Variants in PSPC1 observed in about 807,000 individuals in gnomAD.
The protein encoded by PSPC1 is paraspeckle protein 1.
A neutral mutation model predicts 51.6 loss-of-function variants in PSPC1; 14 were observed. The observed-to-expected ratio is 0.27, with a 90% CI of 0.18 to 0.42. PSPC1 has a LOEUF of 0.42. PSPC1 is among the 10% of genes least tolerant of loss of function. The pLI, the probability that PSPC1 is intolerant of heterozygous loss-of-function variation, is 1.00. For synonymous variants in PSPC1, 193 were observed against 231.9 expected, an observed-to-expected ratio of 0.83 and a Z score of 1.53; for missense variants, 406 against 701.1, an observed-to-expected ratio of 0.58 and a Z score of 4.75.
intron 4 of PSPC1, among the ~76,000 whole-genome samples, chr13:19,748,023 G>C (rs1886166666): frequency 1.3e-5 from 2 of 152,180 alleles, no homozygotes. Context: ...AAACCAGCTT[G>C]ACCAACATGA....
chr13:19,688,152 C>G (rs1330983521), intron 6 of PSPC1, among the ~76,000 whole-genome samples: 1 of 152,130 alleles, frequency 6.6e-6, no homozygotes, highest in African/African-American at 2.4e-5. Context: ...CAAGAGCATT[C>G]TATGAAAATC....
At chr13:19,735,051 C>A (rs1433353888) in intron 5 of PSPC1, among the ~76,000 whole-genome samples, 1 of 151,256 alleles carries the variant, frequency 6.6e-6, no homozygotes, top group Non-Finnish European at 1.5e-5. Flanking sequence ...GTGGCTCATG[C>A]TTGTAATCCC....
chr13:19,704,732 A>G (rs1691053738), intron 8 of PSPC1, among the ~76,000 whole-genome samples: 1 of 152,168 alleles, frequency 6.6e-6, no homozygotes, highest in Non-Finnish European at 1.5e-5. Context: ...AATATATTTA[A>G]ATATAATAAA....
intron 6 of PSPC1, among the ~76,000 whole-genome samples, chr13:19,696,501 A>G (rs982463950): frequency 3.6e-5 from 4 of 110,058 alleles, no homozygotes; most frequent in African/African-American, 7.1e-5. Context: ...ACACACACGC[A>G]CACACACACA....
intron 1 of PSPC1, among the ~76,000 whole-genome samples, chr13:19,780,837 G>C (rs558363574): frequency 6.6e-6 from 1 of 152,034 alleles, no homozygotes; most frequent in Non-Finnish European, 1.5e-5. Flanking sequence ...ATTTTGTATC[G>C]TCCAGACAGA....
chr13:19,674,659 C>G (rs943592581), downstream of PSPC1: 1 of 152,226 alleles, frequency 6.6e-6, no homozygotes, highest in Non-Finnish European at 1.5e-5. Flanking sequence ...AGAATGAAAA[C>G]AGTGGAGCTC....
At chr13:19,677,944 T>C (rs1876852471) in intron 6 of PSPC1, 25 of 407,450 alleles carry the variant, frequency 6.1e-5, no homozygotes, top group South Asian at 4.4e-4. Context: ...CGATACCATG[T>C]AGTGCTGCGT....
intron 2 of PSPC1, among the ~76,000 whole-genome samples, chr13:19,763,120 CAACTT>C (rs1457387391): frequency 3.3e-5 from 5 of 151,528 alleles, no homozygotes; most frequent in Non-Finnish European, 5.9e-5. Flanking sequence ...AAAAAAAACT[CAACTT>C]AAATTCTGTT....
intron 6 of PSPC1, among the ~76,000 whole-genome samples, chr13:19,691,790 T>C (rs184016411): frequency 1.9e-3 from 296 of 152,126 alleles, no homozygotes; most frequent in African/African-American, 6.8e-3. Context: ...TGGTGGCAGG[T>C]GCCTGTAGTT....
intron 5 of PSPC1, among the ~76,000 whole-genome samples, chr13:19,732,915 A>T (rs1455529449): frequency 1.4e-5 from 2 of 144,740 alleles, no homozygotes; most frequent in Non-Finnish European, 3.0e-5. Flanking sequence ...CAATACAGCG[A>T]GACTCCATCT....
chr13:19,756,065 C>T (rs577841676), intron 3 of PSPC1, among the ~76,000 whole-genome samples: 14 of 152,066 alleles, frequency 9.2e-5, no homozygotes, highest in Middle Eastern at 3.4e-3. Flanking sequence ...GGTAAAACCC[C>T]GTCTCTACTA....
At chr13:19,671,384 G>T (rs113584211), downstream of PSPC1, 5 of 1,129,234 alleles carry the variant, frequency 4.4e-6, no homozygotes, top group African/African-American at 4.6e-5. Context: ...GAATCCTGGT[G>T]TACCTGTCCT....
Position 19,741,580 on chromosome 13 carries a change from T to C in PSPC1, c.1037A>G (p.Lys346Arg). Residue 346 changes from lysine (K) to arginine (R), a missense_variant, in exon 5 of 9, where the codon AAG (lysine) becomes AGG (arginine). Physicochemically the swap from Lys to Arg is conservative, Grantham distance 26. Around this residue, in one of 5 missense-constraint regions of PSPC1, gnomAD observed 180 missense variants for 337.9 expected, o/e 0.53. Transcript: ENST00000338910. ...ELRNQELQKR[K>R]QIQLRHEEEH... ...CTTCTTTTACCTTAGTTGTATTTGC[T>C]TCCGTTTTTGCAACTCTTGGTTTCT... 1 of 1,595,148 alleles carries C rather than the reference T, an allele frequency of 6.3e-7. No individual in the cohort carries two copies. Among genetic ancestry groups the C allele is most frequent in the Non-Finnish European group, 8.6e-7 (1 of 1,165,566 alleles).
chr13:19,775,716 T>G (rs1889047461), intron 1 of PSPC1, among the ~76,000 whole-genome samples: 1 of 152,196 alleles, frequency 6.6e-6, no homozygotes, highest in Non-Finnish European at 1.5e-5. Context: ...CATCATATAA[T>G]CCAACAACTC....
chr13:19,676,586 T>G (rs1876661918), intron 7 of PSPC1, among the ~76,000 whole-genome samples: 1 of 152,220 alleles, frequency 6.6e-6, no homozygotes. Context: ...GGACCTAATC[T>G]TCACAGTTAA....
chr13:19,769,202 G>A (rs1488580349), intron 2 of PSPC1, among the ~76,000 whole-genome samples: 1 of 150,952 alleles, frequency 6.6e-6, no homozygotes, highest in African/African-American at 2.5e-5. Context: ...TGTAATCTCA[G>A]CACTTTGGGA....
chr13:19,718,279 C>T (rs1882364721), intron 6 of PSPC1, among the ~76,000 whole-genome samples: 2 of 152,122 alleles, frequency 1.3e-5, no homozygotes, highest in African/African-American at 4.8e-5. Context: ...CCCAAGTTTT[C>T]TCCCCTCAAT....
intron 6 of PSPC1, among the ~76,000 whole-genome samples, chr13:19,695,958 A>T (rs998475185): frequency 1.3e-5 from 2 of 152,194 alleles, no homozygotes; most frequent in African/African-American, 4.8e-5. Flanking sequence ...TCAGTTGGAA[A>T]ATAGGTTAAT....
chr13:19,744,514 T>C (rs1041914523), intron 4 of PSPC1, among the ~76,000 whole-genome samples: 22 of 152,200 alleles, frequency 1.4e-4, no homozygotes, highest in Admixed American at 1.4e-3. Context: ...ATAATATCTT[T>C]CTAGGGGAAA....
Sources: allele counts gnomAD v4.1 joint callset (sites outside exome capture counted in the v4.1 genomes callset), GRCh38; gene constraint gnomAD v4.1.1; regional missense constraint gnomAD v4.1.1; transcripts MANE v1.5; gene names NCBI Gene and HGNC (gene_info 2026-07-23, HGNC 2026-07-21).